Variants in BTBD7 observed in about 807,000 individuals in gnomAD.
BTBD7 encodes the protein BTB/POZ domain-containing protein 7.
BTBD7 carries 38 observed loss-of-function variants against 99.9 expected under a neutral mutation model. That is an observed-to-expected ratio of 0.38 (90% CI 0.29 to 0.50). BTBD7 has a LOEUF of 0.50. BTBD7 is among the 20% of genes least tolerant of loss of function. The probability of loss-of-function intolerance (pLI) is 0.93; values close to 1 mark genes in which losing one functional copy is unlikely to be tolerated. For synonymous variants in BTBD7, 520 were observed against 511.4 expected (o/e 1.02, Z -0.23); for missense variants, 1,170 against 1,394.6 (o/e 0.84, Z 2.57).
intron 1 of BTBD7, among the ~76,000 whole-genome samples, chr14:93,318,487 T>C (rs1039492990): frequency 2.0e-5 from 3 of 152,234 alleles, no homozygotes; most frequent in Non-Finnish European, 4.4e-5. Flanking sequence ...TTGGAGCTAC[T>C]ACAAATTTGA....
Position 93,242,037 on chromosome 14 carries a change from A to T in BTBD7, c.*236T>A. On this transcript the variant is annotated 3_prime_UTR_variant, in exon 11 of 11. Transcript: ENST00000334746. ...AAGTGCCAGCCTGCTTGTTCTTAAAAATGCCTCCCGACATAATTGTTCAAA... is the reference window on the plus strand; with the variant it reads ...AAGTGCCAGCCTGCTTGTTCTTAAATATGCCTCCCGACATAATTGTTCAAA... 2.0e-6 allele frequency: 1 copy of T among 494,820 alleles called. No homozygotes were observed. Among genetic ancestry groups the T allele is most frequent in the South Asian group, 4.5e-5 (1 of 22,006 alleles). 30.7% of individuals were successfully genotyped at this position (494,820 alleles called of 1,614,324 possible).
chr14:93,326,119 T>C (rs1041612689), intron 1 of BTBD7, among the ~76,000 whole-genome samples: 1 of 152,210 alleles, frequency 6.6e-6, no homozygotes, highest in African/African-American at 2.4e-5. Flanking sequence ...AAGTGCTGAA[T>C]GTTCAAATTT....
chr14:93,321,405 C>T (rs2053267726), intron 1 of BTBD7, among the ~76,000 whole-genome samples: 1 of 152,130 alleles, frequency 6.6e-6, no homozygotes, highest in South Asian at 2.1e-4. Context: ...CCAGCCTGGC[C>T]AACATGGTGA....
In BTBD7 at chr14:93,237,611, C is replaced by T. The variant is rs1319274089; in HGVS notation, c.*4662G>A. On this transcript the variant is annotated 3_prime_UTR_variant, in exon 11 of 11. Transcript: ENST00000334746. ...TGTAGGATAAAGTCAGTGTTACATG[C>T]TTATCAGTAACAGTAGAAAAATAGA... The T allele has an allele frequency of 6.6e-6, 1 of 152,594 alleles. No homozygotes were observed. The allele number at this position is 152,594 out of a possible 1,614,324, so 9.5% of individuals were successfully genotyped here. A position where few individuals can be genotyped will look rare whatever the true frequency, so the allele number is the denominator to read the frequency against.
chr14:93,240,943 T>C lies in BTBD7; in HGVS notation c.*1330A>G, dbSNP rs1056760713. 1.3e-5 allele frequency: 2 copies of C among 152,638 alleles called. No homozygotes were observed. The highest frequency in any genetic ancestry group is 2.9e-5 in the Non-Finnish European group (2 of 68,046). 9.5% of individuals were successfully genotyped at this position (152,638 alleles called of 1,614,324 possible). A position where few individuals can be genotyped will look rare whatever the true frequency, so the allele number is the denominator to read the frequency against. ...TACACAACACCAAAATTTAGACATATTTTGAAAATCGTTTAAAAGAAAACG... is the reference window on the plus strand; with the variant it reads ...TACACAACACCAAAATTTAGACATACTTTGAAAATCGTTTAAAAGAAAACG... On this transcript the variant is annotated 3_prime_UTR_variant, in exon 11 of 11. Coordinates refer to ENST00000334746, the MANE Select transcript of BTBD7 (RefSeq NM_001002860.4).
At chr14:93,301,045 T>C (rs187748969) in intron 1 of BTBD7, among the ~76,000 whole-genome samples, 1 of 152,220 alleles carries the variant, frequency 6.6e-6, no homozygotes, top group Admixed American at 6.5e-5. Context: ...CAAATGTGAA[T>C]ATAAATAACA....
intron 3 of BTBD7, among the ~76,000 whole-genome samples, chr14:93,274,598 T>C (rs1039132418): frequency 6.6e-5 from 10 of 152,214 alleles, no homozygotes; most frequent in Admixed American, 6.5e-4. Context: ...TATGCCTGAT[T>C]GACCACAGCA....
chr14:93,315,881 AAC>A (rs1446582406), intron 1 of BTBD7, among the ~76,000 whole-genome samples: 2 of 152,062 alleles, frequency 1.3e-5, no homozygotes. Context: ...TGCTGTTACA[AAC>A]ATTTGTACAA....
intron 10 of BTBD7, among the ~76,000 whole-genome samples, chr14:93,243,387 G>A (rs953330553): frequency 2.6e-5 from 4 of 152,102 alleles, no homozygotes; most frequent in African/African-American, 9.7e-5. Context: ...TGGAGACGGG[G>A]TTTCAATGTG....
rs904201699 is a variant in BTBD7, at chr14:93,332,902, C to T, written c.-189G>A. 7.3e-7 allele frequency: 1 copy of T among 1,366,462 alleles called. No homozygotes were observed. The highest frequency in any genetic ancestry group is 9.7e-7 in the Non-Finnish European group (1 of 1,035,148). 84.6% of individuals were successfully genotyped at this position (1,366,462 alleles called of 1,614,324 possible). ...CGCCGCCGCCACCAGCACCGCCGTC[C>T]GCACCGGCGCCAGCACCCCCGGCCA... On this transcript the variant is annotated 5_prime_UTR_variant, in exon 1 of 11. Transcript: ENST00000334746.
At position 93,241,311 on chromosome 14, in the gene BTBD7, AT is replaced by A. The variant is rs67961223; in HGVS notation, c.*961del. On this transcript the variant is annotated 3_prime_UTR_variant, in exon 11 of 11. Transcript: ENST00000334746. ...GGCACGCACCACCACGCCTGGCTAGATTTTTTTTTTTTTGTATTTTTTATAG... is the reference window on the plus strand; with the variant it reads ...GGCACGCACCACCACGCCTGGCTAGATTTTTTTTTTTTGTATTTTTTATAG... The A allele has an allele frequency of 0.18, 25,826 of 145,878 alleles. 2,319 individuals carry two copies. Among genetic ancestry groups the A allele is most frequent in the East Asian group, 0.31 (1,573 of 5,020 alleles). 9.0% of individuals were successfully genotyped at this position (145,878 alleles called of 1,614,324 possible).
intron 1 of BTBD7, among the ~76,000 whole-genome samples, chr14:93,296,835 TATG>T (rs1172737679): frequency 6.6e-6 from 1 of 152,208 alleles, no homozygotes; most frequent in Non-Finnish European, 1.5e-5. Context: ...TATTATGTGA[TATG>T]ATGATTTAAA....
chr14:93,300,784 A>ATTT (rs1345933223), intron 1 of BTBD7, among the ~76,000 whole-genome samples: 15 of 70,208 alleles, frequency 2.1e-4, no homozygotes, highest in African/African-American at 9.0e-4. Flanking sequence ...ATATATATAT[A>ATTT]TATTTTTTTT....
rs116877115 is a variant in BTBD7 at position 93,299,455 on chromosome 14, C to T, written c.-106-3298G>A. On this transcript the variant is annotated intron_variant, in intron 1 of 10. Transcript: ENST00000334746. The stretch of plus-strand genomic sequence containing the variant: ...GACATCCAATCTTTGTATGATGCAA[C>T]GGAGAGAGGAGCAAGGAGAGGGGAG... Among the ~76,000 whole-genome samples the T allele has an allele frequency of 2.1e-3, 317 of 152,184 alleles. 5 individuals are homozygous for T. In the East Asian group the frequency reaches 0.022, roughly 11 times the overall value.
At chr14:93,263,645 GAA>G in intron 4 of BTBD7, 138 bp downstream of exon 4, 3 of 720,360 alleles carry the variant, frequency 4.2e-6, no homozygotes, top group South Asian at 3.7e-5. Context: ...GTACAACTAT[GAA>G]GAGGGCAGTC....
intron 3 of BTBD7, among the ~76,000 whole-genome samples, chr14:93,268,340 T>C (rs769474144): frequency 6.6e-6 from 1 of 152,234 alleles, no homozygotes; most frequent in Non-Finnish European, 1.5e-5. Context: ...AAAACTCTCA[T>C]ACTACTATAT....
chr14:93,248,573 G>T lies in BTBD7; in HGVS notation c.2024C>A (p.Ala675Asp). ...RHTEQVQRAY[A>D]LNCGEGATVS... ...AGTGGCGCCTTCCCCGCAGTTCAGG[G>T]CATAGGCCCTCTGCACCTGCTCCGT... The change falls in exon 9 of 11, where the codon GCC becomes GAC. Residue 675 changes from alanine to aspartate, a missense_variant. Physicochemically the swap from Ala to Asp is moderately radical, Grantham distance 126 (BLOSUM62 -2). Transcript: ENST00000334746. 4 of 1,614,080 alleles carry T rather than the reference G, an allele frequency of 2.5e-6. No homozygotes were observed. Among genetic ancestry groups the T allele is most frequent in the East Asian group, 2.2e-5 (1 of 44,884 alleles).
intron 3 of BTBD7, among the ~76,000 whole-genome samples, chr14:93,288,987 C>T (rs1159277448): frequency 6.6e-6 from 1 of 152,012 alleles, no homozygotes; most frequent in Admixed American, 6.6e-5. Context: ...TGGAATCTCT[C>T]TAATTTCTTT....
chr14:93,295,549 G>A (rs1350506143), intron 2 of BTBD7, among the ~76,000 whole-genome samples: 1 of 152,116 alleles, frequency 6.6e-6, no homozygotes, highest in Admixed American at 6.6e-5. Flanking sequence ...CTTAATCATG[G>A]GTTTTTAGGA....
Sources: gnomAD v4.1 joint callset for allele counts (sites outside exome capture counted in the v4.1 genomes callset) on GRCh38, gnomAD v4.1.1 for gene constraint, MANE v1.5 for transcripts, NCBI Gene and HGNC (gene_info 2026-07-23, HGNC 2026-07-21) for gene names.